ABLIM1: variants seen among roughly 807,000 people sequenced by gnomAD.
ABLIM1 encodes actin binding LIM protein 1, also known as actin-binding LIM protein 1.
Under a neutral mutation model 107.0 loss-of-function variants are expected in ABLIM1, and 40 were observed. That is an observed-to-expected ratio of 0.37 (90% CI 0.29 to 0.49). The LOEUF (loss-of-function observed/expected upper bound fraction) is 0.49. Among genes scored for constraint, ABLIM1 ranks in the 20% least tolerant of loss-of-function variants. The probability of loss-of-function intolerance (pLI) is 0.97; values close to 1 mark genes in which losing one functional copy is unlikely to be tolerated. For synonymous variants in ABLIM1, 357 were observed against 357.3 expected, an observed-to-expected ratio of 1.00 and a Z score of 0.01; for missense variants, 857 against 1,008.5, an observed-to-expected ratio of 0.85 and a Z score of 2.04.
chr10:114,548,289 T>A (rs554904172), intron 4 of ABLIM1, among the ~76,000 whole-genome samples: 2 of 152,334 alleles, frequency 1.3e-5, no homozygotes, highest in South Asian at 2.1e-4. Flanking sequence ...TTCAAAGATT[T>A]GTGATCATCA....
the ABLIM1 span, among the ~76,000 whole-genome samples, chr10:114,781,739 G>T: frequency 6.0e-5 from 9 of 150,030 alleles, no homozygotes; most frequent in South Asian, 1.9e-3. Flanking sequence ...GATTGAAAAG[G>T]TTTATTTTTA....
At chr10:114,768,818 G>A (rs1028352518), upstream of ABLIM1, among the ~76,000 whole-genome samples, 3 of 152,230 alleles carry the variant, frequency 2.0e-5, no homozygotes, top group South Asian at 6.2e-4. Flanking sequence ...AGTCGGGGCT[G>A]GGCCGGGCTG....
chr10:114,785,204 T>C, the ABLIM1 span, among the ~76,000 whole-genome samples: 1 of 152,254 alleles, frequency 6.6e-6, no homozygotes, highest in African/African-American at 2.4e-5. Context: ...CTAAAGGTGC[T>C]ACCTTCGAAA....
At chr10:114,544,934 C>A (rs2067129627) in intron 6 of ABLIM1, 71 bp downstream of exon 6, 1 of 1,379,942 alleles carries the variant, frequency 7.2e-7, no homozygotes, top group South Asian at 1.2e-5. Flanking sequence ...GGAAAGGGTC[C>A]CCTCTTGTTT....
Position 114,650,684 on chromosome 10 carries a change from T to C in ABLIM1, c.244+7273A>G, listed in dbSNP as rs116009747. Among the ~76,000 whole-genome samples, 1,036 of 152,346 alleles carry C rather than the reference T, an allele frequency of 6.8e-3. 10 individuals are homozygous for C. Among genetic ancestry groups the C allele is most frequent in the African/African-American group, 0.024 (995 of 41,582 alleles). On this transcript the variant is annotated intron_variant, in intron 1 of 22. Transcript: ENST00000533213. ...CCTTTTTCTTTCCACTCTCAGATCA[T>C]TGGGCTATTTTCCTTTTACTCGTAT...
exon 1 of ABLIM1, chr10:114,684,488 G>A (rs924333026): frequency 6.9e-7 from 1 of 1,446,120 alleles, no homozygotes; most frequent in African/African-American, 1.4e-5. Flanking sequence ...ACCCGAGGGA[G>A]GGGTGTGCCA....
upstream of ABLIM1, among the ~76,000 whole-genome samples, chr10:114,662,445 G>C (rs1438690191): frequency 6.6e-6 from 1 of 152,066 alleles, no homozygotes; most frequent in Non-Finnish European, 1.5e-5. Flanking sequence ...GGCTATCCCT[G>C]CTCCCTGCTC....
chr10:114,436,251 G>C lies in ABLIM1; in HGVS notation c.*9C>G. The C allele has an allele frequency of 6.2e-7, 1 of 1,604,266 alleles. No individual in the cohort carries two copies. On this transcript the variant is annotated 3_prime_UTR_variant, in exon 23 of 23. Transcript: ENST00000533213. Reference sequence around the variant, plus strand: ...AGTCCTTTCTCTAATTGCCATTCACGAGTGGGACTTAGAAGAGTTTTGCTT... The same window carrying C: ...AGTCCTTTCTCTAATTGCCATTCACCAGTGGGACTTAGAAGAGTTTTGCTT...
chr10:114,769,793 A>G, upstream of ABLIM1, among the ~76,000 whole-genome samples: 1 of 152,232 alleles, frequency 6.6e-6, no homozygotes, highest in South Asian at 2.1e-4. Context: ...GAAATACTAG[A>G]AAAAAGATTT....
chr10:114,451,706 G>A, intron 13 of ABLIM1, 35 bp from the exon 14 acceptor site: 2 of 1,578,120 alleles, frequency 1.3e-6, no homozygotes, highest in Non-Finnish European at 1.7e-6. Flanking sequence ...TGTGATTATG[G>A]GAACCAGTTC....
chr10:114,523,318 T>C (rs1384666062), intron 6 of ABLIM1, among the ~76,000 whole-genome samples: 2 of 152,122 alleles, frequency 1.3e-5, no homozygotes. Flanking sequence ...TGCACCCCCC[T>C]TGCCCTGATA....
intron 1 of ABLIM1, among the ~76,000 whole-genome samples, chr10:114,682,907 T>C (rs60251573): frequency 0.017 from 2,524 of 152,286 alleles, 66 homozygotes; most frequent in African/African-American, 0.056. Flanking sequence ...AAAGCCAAAC[T>C]AAAATCCACT....
intron 12 of ABLIM1, among the ~76,000 whole-genome samples, chr10:114,454,376 G>A (rs1479803160): frequency 6.6e-6 from 1 of 152,190 alleles, no homozygotes; most frequent in Non-Finnish European, 1.5e-5. Context: ...CTTCAAGCTA[G>A]GTTTGAGCTG....
At chr10:114,797,087 G>A in the ABLIM1 span, among the ~76,000 whole-genome samples, 62,855 of 151,996 alleles carry the variant, frequency 0.41, 14,070 homozygotes, top group Non-Finnish European at 0.51. Context: ...CTCTCTCACC[G>A]TAACTTCCTA....
chr10:114,454,619 T>C (rs961677746), intron 12 of ABLIM1, among the ~76,000 whole-genome samples: 2 of 152,198 alleles, frequency 1.3e-5, no homozygotes, highest in South Asian at 4.1e-4. Context: ...AGTGCCACCA[T>C]AGCCACCATC....
At chr10:114,454,326 A>T (rs1253933912) in intron 12 of ABLIM1, among the ~76,000 whole-genome samples, 1 of 152,232 alleles carries the variant, frequency 6.6e-6, no homozygotes, top group Non-Finnish European at 1.5e-5. Context: ...CTGAGGTATA[A>T]GAAAAATGCT....
intron 4 of ABLIM1, among the ~76,000 whole-genome samples, chr10:114,561,817 T>C (rs1412815165): frequency 6.6e-6 from 1 of 152,228 alleles, no homozygotes; most frequent in Non-Finnish European, 1.5e-5. Flanking sequence ...GCTTTCCACC[T>C]ACTGAAAGCA....
chr10:114,436,326 T>C lies in ABLIM1; in HGVS notation c.2271A>G (p.Ile757Met), dbSNP rs773148511. 5 of 1,613,848 alleles carry C rather than the reference T, an allele frequency of 3.1e-6. No homozygotes were observed. The change falls in exon 23 of 23, where the codon ATA (isoleucine) becomes ATG (methionine). Residue 757 changes from isoleucine (I) to methionine (M), a missense_variant. Around this residue, in one of 5 missense-constraint regions of ABLIM1, gnomAD observed 193 missense variants for 208.5 expected, o/e 0.93. Coordinates refer to ENST00000533213, the MANE Select transcript of ABLIM1 (RefSeq NM_002313.7). Reference sequence around the variant, plus strand: ...AAAGAGGTAACCTGTCAAACTCCTGTATGGACATTCCAAAGATTTCCCGAA... The same window carrying C: ...AAAGAGGTAACCTGTCAAACTCCTGCATGGACATTCCAAAGATTTCCCGAA... ...EVFREIFGMS[I>M]QEFDRLPLWR...
Position 114,475,273 on chromosome 10 carries a change from G to T in ABLIM1, c.1042-1317C>A, listed in dbSNP as rs1371216268. Among the ~76,000 whole-genome samples the T allele has an allele frequency of 3.9e-5, 6 of 152,034 alleles. No homozygotes were observed. In the East Asian group the frequency reaches 1.2e-3, roughly 29 times the overall value. On this transcript the variant is annotated intron_variant, in intron 8 of 22. Coordinates refer to ENST00000533213, the MANE Select transcript of ABLIM1 (RefSeq NM_002313.7). Reference sequence around the variant, plus strand: ...AATGCCCTAGCTCCCAATTTTACTTGGATGATTCTCTTCCTTCAGTCTTGG... The same window carrying T: ...AATGCCCTAGCTCCCAATTTTACTTTGATGATTCTCTTCCTTCAGTCTTGG...
Sources: gnomAD v4.1 joint callset for allele counts (sites outside exome capture counted in the v4.1 genomes callset) on GRCh38, gnomAD v4.1.1 for gene constraint, gnomAD v4.1.1 regional missense constraint, MANE v1.5 for transcripts, NCBI Gene and HGNC (gene_info 2026-07-23, HGNC 2026-07-21) for gene names.